Variants in NALCN observed in about 807,000 individuals in gnomAD.
The protein encoded by NALCN is sodium leak channel, non-selective.
In NALCN, 111 loss-of-function variants were observed where a neutral mutation model predicts 225.3. That is an observed-to-expected ratio of 0.49 (90% CI 0.42 to 0.58). The LOEUF (loss-of-function observed/expected upper bound fraction) is 0.58, where lower values mean the gene tolerates loss of function less well. NALCN is among the 20% of genes least tolerant of loss of function. The pLI, the probability that NALCN is intolerant of heterozygous loss-of-function variation, is 0.00. For missense variants in NALCN, 1,378 were observed against 2,202.4 expected, an observed-to-expected ratio of 0.63 and a Z score of 7.49; for synonymous variants, 764 against 769.0, an observed-to-expected ratio of 0.99 and a Z score of 0.11.
intron 27 of NALCN, 46 bp downstream of exon 27, chr13:101,100,738 C>G (rs112169110): frequency 4.0e-6 from 6 of 1,511,216 alleles, no homozygotes. Context: ...TGCCACCACA[C>G]TTGGCCCTTA....
At chr13:101,298,563 C>A (rs1174147155) in intron 7 of NALCN, among the ~76,000 whole-genome samples, 2 of 152,164 alleles carry the variant, frequency 1.3e-5, no homozygotes, top group African/African-American at 4.8e-5. Context: ...CTCAGGTGAT[C>A]CACTCACCTC....
chr13:101,330,937 C>T (rs1053837887), intron 7 of NALCN, among the ~76,000 whole-genome samples: 32 of 152,188 alleles, frequency 2.1e-4, no homozygotes, highest in African/African-American at 7.7e-4. Context: ...TGTGAGGCCT[C>T]CCCAGCCATG....
intron 11 of NALCN, among the ~76,000 whole-genome samples, chr13:101,247,454 TAGAG>T: frequency 6.6e-6 from 1 of 151,952 alleles, no homozygotes; most frequent in Admixed American, 6.5e-5. Context: ...GAAGTGATCA[TAGAG>T]GGAGGGAGAG....
intron 13 of NALCN, among the ~76,000 whole-genome samples, chr13:101,211,825 T>C (rs1042121355): frequency 5.3e-5 from 8 of 151,858 alleles, no homozygotes; most frequent in Non-Finnish European, 8.8e-5. Context: ...GAAAAAAATA[T>C]AAAATATCTC....
intron 15 of NALCN, among the ~76,000 whole-genome samples, chr13:101,165,697 A>G (rs1281978049): frequency 6.6e-6 from 1 of 152,182 alleles, no homozygotes; most frequent in Non-Finnish European, 1.5e-5. Flanking sequence ...GCTGATCTCA[A>G]ATTCCTGGGC....
At chr13:101,275,520 G>A (rs1361717749) in intron 10 of NALCN, among the ~76,000 whole-genome samples, 1 of 152,124 alleles carries the variant, frequency 6.6e-6, no homozygotes, top group Non-Finnish European at 1.5e-5. Flanking sequence ...AACGTGTCCT[G>A]TCGCGTACCA....
chr13:101,231,673 A>T (rs2041353724), intron 12 of NALCN, among the ~76,000 whole-genome samples: 1 of 152,246 alleles, frequency 6.6e-6, no homozygotes, highest in Non-Finnish European at 1.5e-5. Context: ...AGATTTTTTG[A>T]TGTCAATAAG....
intron 7 of NALCN, among the ~76,000 whole-genome samples, chr13:101,324,865 G>T (rs501716): frequency 4.7e-4 from 72 of 151,966 alleles, no homozygotes; most frequent in Non-Finnish European, 9.1e-4. Context: ...GTTTTCAAAG[G>T]GAATGCTTCC....
intron 10 of NALCN, among the ~76,000 whole-genome samples, chr13:101,261,734 A>G (rs2042433921): frequency 6.6e-6 from 1 of 152,184 alleles, no homozygotes; most frequent in African/African-American, 2.4e-5. Context: ...ATCAGTTCTT[A>G]TAGTTTCCTT....
intron 13 of NALCN, among the ~76,000 whole-genome samples, chr13:101,192,912 T>C (rs1196217465): frequency 1.3e-5 from 2 of 152,144 alleles, no homozygotes; most frequent in African/African-American, 4.8e-5. Flanking sequence ...TGGAGTCTAG[T>C]GACTCTTTAA....
intron 42 of NALCN, 117 bp downstream of exon 42, chr13:101,059,696 ATTCCT>A: frequency 1.2e-6 from 1 of 823,588 alleles, no homozygotes; most frequent in Non-Finnish European, 1.7e-6. Context: ...TAATGAAAAT[ATTCCT>A]ATTAGAAATA....
chr13:101,292,966 A>G lies in NALCN; in HGVS notation c.800-600T>C, dbSNP rs1406406105. 6.6e-6 allele frequency among the ~76,000 whole-genome samples: 1 copy of G among 152,220 alleles called. No homozygotes were observed. On this transcript the variant is annotated intron_variant, in intron 7 of 43. Transcript: ENST00000251127. This position sits in a 1 kb window ranked among gnomAD's most constrained non-coding sequence, Gnocchi z 4.3. ...GAATTACCTCATAGAAAGTACTTCT[A>G]GTAATGGAAAGAAAGGAAAGCTAAA...
intron 6 of NALCN, among the ~76,000 whole-genome samples, chr13:101,361,484 T>C (rs1212320207): frequency 6.6e-6 from 1 of 152,190 alleles, no homozygotes; most frequent in Non-Finnish European, 1.5e-5. Context: ...GAAAACTAAA[T>C]ATTTTATTCA....
chr13:101,236,930 T>TA (rs1454136719), intron 12 of NALCN, among the ~76,000 whole-genome samples: 1 of 135,814 alleles, frequency 7.4e-6, no homozygotes, highest in African/African-American at 2.7e-5. Flanking sequence ...TAAAATAAAA[T>TA]AAAATAAAAA....
intron 40 of NALCN, among the ~76,000 whole-genome samples, chr13:101,064,811 G>T (rs1368295692): frequency 1.3e-5 from 2 of 152,100 alleles, no homozygotes; most frequent in Non-Finnish European, 2.9e-5. Context: ...TCAGCTTAAG[G>T]TGCTAAGTTA....
intron 17 of NALCN, among the ~76,000 whole-genome samples, chr13:101,128,628 A>T (rs779259273): frequency 2.0e-5 from 3 of 151,444 alleles, no homozygotes. Context: ...AATTATCATG[A>T]CTCACTGCAG....
chr13:101,083,309 A>C (rs1184761321), intron 31 of NALCN, 111 bp from the exon 32 acceptor site: 37 of 901,642 alleles, frequency 4.1e-5, no homozygotes, highest in Non-Finnish European at 5.1e-6. Context: ...TTTCTCCCCA[A>C]ACAGTTCCGT....
chr13:101,283,887 C>G, intron 10 of NALCN, 46 bp downstream of exon 10: 1 of 1,491,568 alleles, frequency 6.7e-7, no homozygotes, highest in Non-Finnish European at 9.1e-7. Context: ...AAATAAAATT[C>G]AAAGACCTTT....
At chr13:101,209,010 C>A (rs1180864618) in intron 13 of NALCN, among the ~76,000 whole-genome samples, 1 of 152,184 alleles carries the variant, frequency 6.6e-6, no homozygotes, top group Non-Finnish European at 1.5e-5. Context: ...TCATACACTT[C>A]TAGTTATTGT....
Sources: gnomAD v4.1 joint callset for allele counts (sites outside exome capture counted in the v4.1 genomes callset) on GRCh38, gnomAD v4.1.1 for gene constraint, Gnocchi (gnomAD v3.1) non-coding constraint, MANE v1.5 for transcripts, NCBI Gene and HGNC (gene_info 2026-07-23, HGNC 2026-07-21) for gene names.